The following TMEM167B variants were observed in gnomAD, a reference collection of about 807,000 sequenced individuals.
The protein encoded by TMEM167B is transmembrane protein 167B.
Under a neutral mutation model 9.4 loss-of-function variants are expected in TMEM167B, and 2 were observed. The ratio of observed to expected loss-of-function variants is 0.21; its 90% CI spans 0.09 to 0.67. The LOEUF (loss-of-function observed/expected upper bound fraction) is 0.67, where lower values mean the gene tolerates loss of function less well. Among genes scored for constraint, TMEM167B ranks in the 30% least tolerant of loss-of-function variants. The pLI, the probability that TMEM167B is intolerant of heterozygous loss-of-function variation, is 0.82. For synonymous variants in TMEM167B, 28 were observed against 32.0 expected, an observed-to-expected ratio of 0.87 and a Z score of 0.42; for missense variants, 68 against 87.6, an observed-to-expected ratio of 0.78 and a Z score of 0.89.
At position 109,093,009 on chromosome 1, in the gene TMEM167B, G is replaced by C. The variant is rs769485223; in HGVS notation, c.130G>C (p.Val44Leu). The C allele has an allele frequency of 2.1e-5, 34 of 1,614,026 alleles. No individual in the cohort carries two copies. The highest frequency in any genetic ancestry group is 2.6e-5 in the Non-Finnish European group (31 of 1,180,030). The stretch of plus-strand genomic sequence containing the variant: ...ATCAGAGAAGAAGGGTGTTTGGGGT[G>C]TGTTTTACAAAGGTGAGGCCATGTC... ...LLSEKKGVWG[V>L]FYKAAVIGTR... The change falls in exon 2 of 3, where the codon GTG (valine) becomes CTG (leucine). Residue 44 changes from valine to leucine, a missense_variant. Transcript: ENST00000338272.
chr1:109,092,026 A>T (rs903820096), intron 1 of TMEM167B, among the ~76,000 whole-genome samples: 4 of 152,206 alleles, frequency 2.6e-5, no homozygotes, highest in Non-Finnish European at 5.9e-5. Flanking sequence ...AATAAATTTT[A>T]GTCATTCTTC....
chr1:109,092,422 T>C (rs1664469491), intron 1 of TMEM167B, among the ~76,000 whole-genome samples: 1 of 152,198 alleles, frequency 6.6e-6, no homozygotes, highest in Admixed American at 6.6e-5. Context: ...CAAGAACATG[T>C]TAAATTCTCT....
intron 1 of TMEM167B, among the ~76,000 whole-genome samples, chr1:109,092,076 T>A (rs571299559): frequency 8.5e-4 from 129 of 152,318 alleles, no homozygotes; most frequent in African/African-American, 3.1e-3. Flanking sequence ...TTTTTGCAAT[T>A]AGGTGATTCA....
At chr1:109,092,477 A>G (rs1237410639) in intron 1 of TMEM167B, among the ~76,000 whole-genome samples, 2 of 152,122 alleles carry the variant, frequency 1.3e-5, no homozygotes, top group East Asian at 1.9e-4. Context: ...TATTGCCAAC[A>G]CTAGTCATTC....
At chr1:109,092,763 G>C (rs1664478729) in intron 1 of TMEM167B, 127 bp from the exon 2 acceptor site, 1 of 1,068,188 alleles carries the variant, frequency 9.4e-7, no homozygotes. Context: ...TCAAGTGTCA[G>C]TACTGCCTGT....
rs1236950547 is a variant in TMEM167B at position 109,090,877 on chromosome 1, C to A, written c.5C>A (p.Thr2Lys). 1 of 1,595,696 alleles carries A rather than the reference C, an allele frequency of 6.3e-7. No homozygotes were observed. The highest frequency in any genetic ancestry group is 8.5e-7 in the Non-Finnish European group (1 of 1,170,974). The change falls in exon 1 of 3, where the codon ACG becomes AAG. Residue 2 changes from threonine (T) to lysine (K), a missense_variant. Physicochemically the swap from Thr to Lys is moderately conservative, Grantham distance 78. Coordinates refer to ENST00000338272, the MANE Select transcript of TMEM167B (RefSeq NM_020141.4). ...CCAGGTCCAGGGCCAGCCGCCATGA[C>A]GAACGGTGAGAACTGATGCCCTGAG... Reference protein sequence around the residue: MTNVYSLDGILV... With the variant: MKNVYSLDGILV...
At chr1:109,094,336 T>C in intron 2 of TMEM167B, 81 bp from the exon 3 acceptor site, 1 of 1,395,188 alleles carries the variant, frequency 7.2e-7, no homozygotes, top group South Asian at 1.2e-5. Flanking sequence ...TGTCTGTGAC[T>C]AGAGACTTCA....
At chr1:109,091,386 C>T (rs1664446944) in intron 1 of TMEM167B, among the ~76,000 whole-genome samples, 1 of 152,184 alleles carries the variant, frequency 6.6e-6, no homozygotes. Context: ...ATTTTAAAGT[C>T]CTGGCGGGGT....
rs569497431 is a variant in TMEM167B, at chr1:109,095,507, A to G, written c.*1008A>G. 22 of 152,230 alleles carry G rather than the reference A, an allele frequency of 1.4e-4. No individual in the cohort carries two copies. Among genetic ancestry groups the G allele is most frequent in the Admixed American group, 3.3e-4 (5 of 15,286 alleles). The allele number at this position is 152,230 out of a possible 1,614,324, so 9.4% of individuals were successfully genotyped here. On this transcript the variant is annotated 3_prime_UTR_variant, in exon 3 of 3. Transcript: ENST00000338272. ...GATTGAAGTTTTGTCATCTTATAAA[A>G]GACAACAAACTTATTTTCTGTTTAA...
At chr1:109,094,364 T>G (rs1201646679) in intron 2 of TMEM167B, 53 bp from the exon 3 acceptor site, 6 of 1,568,322 alleles carry the variant, frequency 3.8e-6, no homozygotes, top group Middle Eastern at 1.8e-4. Flanking sequence ...ACCTTGAAAG[T>G]GAGGACTTCG....
At chr1:109,094,136 T>A (rs1011605896) in intron 2 of TMEM167B, among the ~76,000 whole-genome samples, 4 of 152,076 alleles carry the variant, frequency 2.6e-5, no homozygotes, top group African/African-American at 9.7e-5. Context: ...AAAAATTAGC[T>A]GGGCATGGTG....
chr1:109,091,677 C>G (rs1424707696), intron 1 of TMEM167B: 1 of 152,182 alleles, frequency 6.6e-6, no homozygotes, highest in African/African-American at 2.4e-5. Context: ...ACTGAAGACT[C>G]GAATTTAACC....
At chr1:109,093,084 T>C in intron 2 of TMEM167B, 63 bp downstream of exon 2, 1 of 1,595,808 alleles carries the variant, frequency 6.3e-7, no homozygotes. Flanking sequence ...AGCTACAAAG[T>C]AGGGAGTACA....
intron 1 of TMEM167B, 68 bp from the exon 2 acceptor site, chr1:109,092,822 C>G (rs1032216986): frequency 1.0e-4 from 162 of 1,571,628 alleles, no homozygotes; most frequent in Non-Finnish European, 1.4e-4. Context: ...CCTTAGAGTT[C>G]TCAGGCGGGA....
chr1:109,092,455 TATGTCTCA>T (rs1664470366), intron 1 of TMEM167B, among the ~76,000 whole-genome samples: 1 of 152,342 alleles, frequency 6.6e-6, no homozygotes, highest in Non-Finnish European at 1.5e-5. Flanking sequence ...TAAGGATTCA[TATGTCTCA>T]ATCTATTGCC....
At position 109,095,242 on chromosome 1, in the gene TMEM167B, T is replaced by G. The variant is rs944025063; in HGVS notation, c.*743T>G. ...CAGTATCCTCAAATGGAGACTTCAC[T>G]TGATCAGATGGTATATGAAAAATGA... On this transcript the variant is annotated 3_prime_UTR_variant, in exon 3 of 3. Coordinates refer to ENST00000338272, the MANE Select transcript of TMEM167B (RefSeq NM_020141.4). 6.6e-6 allele frequency: 1 copy of G among 152,234 alleles called. No individual in the cohort carries two copies. Among genetic ancestry groups the G allele is most frequent in the African/African-American group, 2.4e-5 (1 of 41,462 alleles). 9.4% of individuals were successfully genotyped at this position (152,234 alleles called of 1,614,324 possible). A position where few individuals can be genotyped will look rare whatever the true frequency, so the allele number is the denominator to read the frequency against.
At position 109,096,770 on chromosome 1, in the gene TMEM167B, G is replaced by A. The variant is rs1333069215; in HGVS notation, c.*2271G>A. 6.6e-6 allele frequency: 1 copy of A among 152,202 alleles called. No individual in the cohort carries two copies. Among genetic ancestry groups the A allele is most frequent in the African/African-American group, 2.4e-5 (1 of 41,460 alleles). 9.4% of individuals were successfully genotyped at this position (152,202 alleles called of 1,614,324 possible). ...ATTCCTCTGGGGGAATCTTTTACAG[G>A]TGGAGGAATGGGGATAGCAGTATTG... On this transcript the variant is annotated 3_prime_UTR_variant, in exon 3 of 3. Transcript: ENST00000338272.
chr1:109,092,005 G>T lies in TMEM167B; in HGVS notation c.11-885G>T, dbSNP rs185506587. On this transcript the variant is annotated intron_variant, in intron 1 of 2. Coordinates refer to ENST00000338272, the MANE Select transcript of TMEM167B (RefSeq NM_020141.4). ...AGGAAGTAAGACAGCAGTTTGACAC[G>T]GTAGTTGCTGAATAAATTTTAGTCA... Among the ~76,000 whole-genome samples, 82 of 152,290 alleles carry T rather than the reference G, an allele frequency of 5.4e-4. 1 individual carries two copies. The East Asian group carries it at 0.015, about 29-fold the overall frequency.
chr1:109,094,304 C>T, intron 2 of TMEM167B, 113 bp from the exon 3 acceptor site: 1 of 1,027,956 alleles, frequency 9.7e-7, no homozygotes, highest in Non-Finnish European at 1.5e-6. Context: ...ACATCCCAGG[C>T]CCTTGAGAGC....
Sources: allele counts gnomAD v4.1 joint callset (sites outside exome capture counted in the v4.1 genomes callset), GRCh38; gene constraint gnomAD v4.1.1; transcripts MANE v1.5; gene names NCBI Gene and HGNC (gene_info 2026-07-23, HGNC 2026-07-21).